The following SNTG1 variants were observed in gnomAD, a reference collection of about 807,000 sequenced individuals.
SNTG1 encodes syntrophin gamma 1.
A neutral mutation model predicts 74.7 loss-of-function variants in SNTG1; 39 were observed. The observed-to-expected ratio is 0.52, with a 90% CI of 0.40 to 0.68. The LOEUF (loss-of-function observed/expected upper bound fraction) is 0.68. Among genes scored for constraint, SNTG1 ranks in the 30% least tolerant of loss-of-function variants. The probability of loss-of-function intolerance (pLI) is 0.00; values close to 1 mark genes in which losing one functional copy is unlikely to be tolerated. For synonymous variants in SNTG1, 254 were observed against 217.1 expected (o/e 1.17, Z -1.49); for missense variants, 685 against 609.5 (o/e 1.12, Z -1.30).
At chr8:50,192,006 A>G (rs1272077650) in intron 2 of SNTG1, among the ~76,000 whole-genome samples, 1 of 152,076 alleles carries the variant, frequency 6.6e-6, no homozygotes, top group African/African-American at 2.4e-5. Context: ...AAATATCACC[A>G]TATTGTTTTT....
chr8:50,282,277 C>T (rs1320964978), intron 2 of SNTG1, among the ~76,000 whole-genome samples: 3 of 152,152 alleles, frequency 2.0e-5, no homozygotes, highest in Non-Finnish European at 2.9e-5. Flanking sequence ...CTCTCTCACC[C>T]TAAAACCAAT....
At chr8:50,253,236 CA>C (rs2086720439) in intron 2 of SNTG1, among the ~76,000 whole-genome samples, 1 of 151,928 alleles carries the variant, frequency 6.6e-6, no homozygotes, top group African/African-American at 2.4e-5. Context: ...CCATCCTGAC[CA>C]ACATGGAGAA....
intron 12 of SNTG1, 53 bp from the exon 13 acceptor site, chr8:50,590,825 CT>C: frequency 8.3e-7 from 1 of 1,208,280 alleles, no homozygotes; most frequent in Non-Finnish European, 1.2e-6. Context: ...TTCTGGGGAC[CT>C]TGTGTTACCA....
intron 8 of SNTG1, among the ~76,000 whole-genome samples, chr8:50,495,543 C>T (rs141697221): frequency 1.1e-4 from 16 of 151,948 alleles, no homozygotes; most frequent in African/African-American, 3.4e-4. Flanking sequence ...CCACTACTTC[C>T]AAAAGTTATG....
chr8:50,618,736 T>C (rs2094900908), intron 13 of SNTG1, among the ~76,000 whole-genome samples: 1 of 152,196 alleles, frequency 6.6e-6, no homozygotes, highest in Non-Finnish European at 1.5e-5. Context: ...TCTTACTGGT[T>C]GTCAGTTGGA....
intron 2 of SNTG1, among the ~76,000 whole-genome samples, chr8:50,228,550 A>G (rs1173020434): frequency 2.0e-5 from 3 of 151,960 alleles, no homozygotes; most frequent in Admixed American, 6.6e-5. Flanking sequence ...CTTCTTAAAT[A>G]TGGAAGAACA....
intron 17 of SNTG1, among the ~76,000 whole-genome samples, chr8:50,728,472 A>T (rs1202196580): frequency 6.6e-6 from 1 of 152,150 alleles, no homozygotes; most frequent in African/African-American, 2.4e-5. Flanking sequence ...GTGTGTGTCT[A>T]TTCATGTCTA....
intron 12 of SNTG1, among the ~76,000 whole-genome samples, chr8:50,560,693 A>T (rs1000520255): frequency 6.6e-6 from 1 of 152,010 alleles, no homozygotes; most frequent in African/African-American, 2.4e-5. Context: ...ACATCGGGGG[A>T]ACAACACACA....
At chr8:50,760,923 C>A (rs1460422939) in intron 18 of SNTG1, among the ~76,000 whole-genome samples, 1 of 151,974 alleles carries the variant, frequency 6.6e-6, no homozygotes, top group East Asian at 2.0e-4. Flanking sequence ...GACGGATTCA[C>A]AGCCGAATGC....
Position 50,356,462 on chromosome 8 carries a change from C to T in SNTG1, c.-27-37750C>T, listed in dbSNP as rs185997653. On this transcript the variant is annotated intron_variant, in intron 2 of 18. Transcript: ENST00000642720. ...AATGCTCTATACTCTTTGTCTTAGT[C>T]CATTTGTGCTGCTATAACAAAATAT... 3.3e-5 allele frequency among the ~76,000 whole-genome samples: 5 copies of T among 152,204 alleles called. No individual in the cohort carries two copies. The East Asian group carries it at 9.7e-4, about 29-fold the overall frequency.
intron 2 of SNTG1, among the ~76,000 whole-genome samples, chr8:50,391,842 C>T (rs552676427): frequency 4.6e-5 from 7 of 152,046 alleles, no homozygotes; most frequent in South Asian, 2.1e-4. Flanking sequence ...CTTCTGAGAT[C>T]GTCCCCCTCC....
At chr8:49,941,196 C>T (rs1808654495) in intron 1 of SNTG1, among the ~76,000 whole-genome samples, 1 of 152,006 alleles carries the variant, frequency 6.6e-6, no homozygotes, top group Non-Finnish European at 1.5e-5. Context: ...TCCCTGCTTT[C>T]TGTCCAAAAA....
intron 11 of SNTG1, among the ~76,000 whole-genome samples, chr8:50,540,116 G>T (rs1426142632): frequency 6.6e-6 from 1 of 152,114 alleles, no homozygotes; most frequent in African/African-American, 2.4e-5. Context: ...GTCATCTTAT[G>T]TGTGAAGTTC....
At chr8:49,999,159 T>C (rs1814516888) in intron 1 of SNTG1, among the ~76,000 whole-genome samples, 2 of 152,142 alleles carry the variant, frequency 1.3e-5, no homozygotes, top group African/African-American at 4.8e-5. Context: ...TCCTCAGAGG[T>C]CTAAAAAGAA....
At chr8:50,509,904 T>C (rs967399480) in intron 9 of SNTG1, among the ~76,000 whole-genome samples, 4 of 152,186 alleles carry the variant, frequency 2.6e-5, no homozygotes, top group Non-Finnish European at 4.4e-5. Context: ...TGAATACCCT[T>C]TATTTCCTTC....
At chr8:50,246,784 C>T (rs2086420475) in intron 2 of SNTG1, among the ~76,000 whole-genome samples, 1 of 152,118 alleles carries the variant, frequency 6.6e-6, no homozygotes, top group South Asian at 2.1e-4. Flanking sequence ...AATAAAATGC[C>T]TTGAGCACCC....
In SNTG1 at chr8:50,768,542, G is replaced by A. The variant is rs558443808; in HGVS notation, c.1395+16431G>A. ...AGGTCTTTTAATATTCACAAGGCTG[G>A]GTAGGTATTTGGGATCAAGGCTCTC... On this transcript the variant is annotated intron_variant, in intron 18 of 18. Transcript: ENST00000642720. 5.3e-5 allele frequency among the ~76,000 whole-genome samples: 8 copies of A among 152,106 alleles called. No individual in the cohort carries two copies. In the South Asian group the frequency reaches 1.0e-3, roughly 20 times the overall value.
chr8:50,729,787 C>T (rs1456415169), intron 17 of SNTG1, among the ~76,000 whole-genome samples: 1 of 152,126 alleles, frequency 6.6e-6, no homozygotes, highest in Non-Finnish European at 1.5e-5. Flanking sequence ...GCTAGTCATA[C>T]TTAAGGGGAA....
chr8:50,585,795 G>A (rs568719050), intron 12 of SNTG1, among the ~76,000 whole-genome samples: 5 of 151,766 alleles, frequency 3.3e-5, no homozygotes, highest in Non-Finnish European at 7.4e-5. Flanking sequence ...ATCTTTTTGG[G>A]TTTTCTAATT....
Sources: gnomAD v4.1 joint callset for allele counts (sites outside exome capture counted in the v4.1 genomes callset) on GRCh38, gnomAD v4.1.1 for gene constraint, MANE v1.5 for transcripts, NCBI Gene and HGNC (gene_info 2026-07-23, HGNC 2026-07-21) for gene names.